SMYD3: variants seen among roughly 807,000 people sequenced by gnomAD.
SMYD3 encodes the protein SET and MYND domain containing 3, also known as histone-lysine N-methyltransferase SMYD3.
Under a neutral mutation model 57.7 loss-of-function variants are expected in SMYD3, and 36 were observed. The observed-to-expected ratio is 0.62, with a 90% CI of 0.48 to 0.82. SMYD3 has a LOEUF of 0.82. SMYD3 is among the 40% of genes least tolerant of loss of function. The pLI is 0.00. For synonymous variants in SMYD3, 211 were observed against 195.0 expected (o/e 1.08, Z -0.68); for missense variants, 515 against 538.8 (o/e 0.96, Z 0.44).
intron 5 of SMYD3, among the ~76,000 whole-genome samples, chr1:246,138,119 C>G (rs2061691223): frequency 6.6e-6 from 1 of 152,100 alleles, no homozygotes; most frequent in African/African-American, 2.4e-5. Context: ...ATGTCTTACT[C>G]ATTTTCCTCA....
intron 5 of SMYD3, among the ~76,000 whole-genome samples, chr1:246,055,725 C>T (rs552900543): frequency 1.3e-5 from 2 of 152,154 alleles, no homozygotes; most frequent in Non-Finnish European, 1.5e-5. Context: ...ACTTTGAAGA[C>T]ATTATGCTAA....
In SMYD3 at chr1:246,180,784, A is replaced by C. The variant is rs978814535; in HGVS notation, c.531+146417T>G. Among the ~76,000 whole-genome samples, 22 of 148,304 alleles carry C rather than the reference A, an allele frequency of 1.5e-4. No homozygotes were observed. In the East Asian group the frequency reaches 2.4e-3, roughly 16 times the overall value. On this transcript the variant is annotated intron_variant, in intron 5 of 11. Coordinates refer to ENST00000490107, the MANE Select transcript of SMYD3 (RefSeq NM_001167740.2). ...CAAAAAAAAAAAAAAAAAAAAAAAA[A>C]AAAAAAAAAAAAACAACTCAGGAGG...
At chr1:245,826,045 T>C (rs1479783322) in intron 10 of SMYD3, among the ~76,000 whole-genome samples, 1 of 141,932 alleles carries the variant, frequency 7.0e-6, no homozygotes, top group Non-Finnish European at 1.5e-5. Context: ...AAATATTTGT[T>C]AAATAAAAAT....
intron 10 of SMYD3, among the ~76,000 whole-genome samples, chr1:245,791,952 TTGTGTGTGTGTGTG>T (rs59018021): frequency 6.2e-5 from 9 of 146,138 alleles, no homozygotes; most frequent in Admixed American, 4.8e-4. Flanking sequence ...AATTTTAAAC[TTGTGTGTGTGTGTG>T]TGTGTGTGTG....
At position 246,326,624 on chromosome 1, in the gene SMYD3, C is replaced by T. The variant is rs1209227829; in HGVS notation, c.531+577G>A. 8 of 375,824 alleles carry T rather than the reference C, an allele frequency of 2.1e-5. No individual in the cohort carries two copies. In the South Asian group the frequency reaches 2.5e-4, roughly 12 times the overall value. The allele number at this position is 375,824 out of a possible 1,614,324, so 23.3% of individuals were successfully genotyped here. A position where few individuals can be genotyped will look rare whatever the true frequency, so the allele number is the denominator to read the frequency against. On this transcript the variant is annotated intron_variant, in intron 5 of 11. Coordinates refer to ENST00000490107, the MANE Select transcript of SMYD3 (RefSeq NM_001167740.2). ...AAAAAAAAAACAAAATTTAGCTGGG[C>T]GTGGTGGCTCATGCCTGTAATCCCA...
chr1:246,071,150 TG>T (rs1330205771), intron 5 of SMYD3, among the ~76,000 whole-genome samples: 2 of 152,192 alleles, frequency 1.3e-5, no homozygotes, highest in African/African-American at 2.4e-5. Flanking sequence ...ATATCTAAGA[TG>T]TGTAAGTAAG....
At chr1:246,023,706 C>G (rs944969857) in intron 5 of SMYD3, among the ~76,000 whole-genome samples, 14 of 151,996 alleles carry the variant, frequency 9.2e-5, no homozygotes, top group Admixed American at 2.0e-4. Flanking sequence ...CGTTCAGGGG[C>G]TACAGGGGCG....
chr1:246,057,532 C>A (rs896553211), intron 5 of SMYD3, among the ~76,000 whole-genome samples: 1 of 152,114 alleles, frequency 6.6e-6, no homozygotes, highest in Non-Finnish European at 1.5e-5. Flanking sequence ...CAGGGAAATG[C>A]AAATTAAAAT....
rs80341594 is a variant in SMYD3, at chr1:245,870,023, G to T, written c.814-6137C>A. 0.01 allele frequency among the ~76,000 whole-genome samples: 1,552 copies of T among 152,212 alleles called. 162 individuals carry two copies. The East Asian group carries it at 0.24, about 23-fold the overall frequency. ...TTGCCTCCCCAGGTATCCTCAGAAC[G>T]CCCTGAGGGACCGTGACCTCATCAT... On this transcript the variant is annotated intron_variant, in intron 8 of 11. Coordinates refer to ENST00000490107, the MANE Select transcript of SMYD3 (RefSeq NM_001167740.2).
chr1:246,071,771 T>A (rs148333603), intron 5 of SMYD3, among the ~76,000 whole-genome samples: 237 of 151,486 alleles, frequency 1.6e-3, no homozygotes, highest in African/African-American at 5.1e-3. Context: ...GTGCTCACTG[T>A]CGCTGCATCC....
At chr1:246,103,784 T>C (rs1042131279) in intron 5 of SMYD3, among the ~76,000 whole-genome samples, 1 of 152,216 alleles carries the variant, frequency 6.6e-6, no homozygotes, top group Non-Finnish European at 1.5e-5. Flanking sequence ...TCATTCTACC[T>C]TTCTAACCTC....
intron 11 of SMYD3, among the ~76,000 whole-genome samples, chr1:245,752,603 G>C (rs12130577): frequency 0.13 from 19,809 of 152,066 alleles, 1,828 homozygotes; most frequent in African/African-American, 0.26. Context: ...CTCCTCTTTT[G>C]CAGCTTTAAG....
intron 5 of SMYD3, among the ~76,000 whole-genome samples, chr1:246,090,855 C>T (rs1049640855): frequency 5.3e-5 from 8 of 152,086 alleles, no homozygotes; most frequent in Admixed American, 5.2e-4. Flanking sequence ...CGCTTCTAAA[C>T]TCCTCTTGTG....
At chr1:245,792,857 G>C (rs1191492103) in intron 10 of SMYD3, among the ~76,000 whole-genome samples, 1 of 152,134 alleles carries the variant, frequency 6.6e-6, no homozygotes, top group Non-Finnish European at 1.5e-5. Context: ...TGCTGGCTCA[G>C]CTCGGTCATC....
At position 246,442,558 on chromosome 1, in the gene SMYD3, T is replaced by A. The variant is rs934934997; in HGVS notation, c.164+64496A>T. On this transcript the variant is annotated intron_variant, in intron 1 of 11. Transcript: ENST00000490107. Reference sequence around the variant, plus strand: ...AGCGAAACCCCTTCTCAAAAAAAAATAAAATAATAAAAAAAGACTACTGAA... The same window carrying A: ...AGCGAAACCCCTTCTCAAAAAAAAAAAAAATAATAAAAAAAGACTACTGAA... Among the ~76,000 whole-genome samples the A allele has an allele frequency of 5.3e-5, 8 of 149,640 alleles. No homozygotes were observed. The East Asian group carries it at 1.6e-3, about 30-fold the overall frequency.
chr1:245,937,719 T>C (rs1269980998), intron 5 of SMYD3, among the ~76,000 whole-genome samples: 1 of 152,256 alleles, frequency 6.6e-6, no homozygotes, highest in Non-Finnish European at 1.5e-5. Context: ...TGAACTGAAC[T>C]TTCTCCCATG....
intron 5 of SMYD3, among the ~76,000 whole-genome samples, chr1:246,121,522 T>G (rs1307970578): frequency 6.6e-6 from 1 of 151,038 alleles, no homozygotes; most frequent in Non-Finnish European, 1.5e-5. Context: ...TTCATCTAAA[T>G]GTCTGTTAAA....
chr1:246,072,143 G>A (rs77008850), intron 5 of SMYD3, among the ~76,000 whole-genome samples: 3 of 135,174 alleles, frequency 2.2e-5, no homozygotes, highest in Non-Finnish European at 3.1e-5. Flanking sequence ...GGAGGGATTC[G>A]TGTGCTTTCC....
At chr1:246,077,374 G>A (rs1298735107) in intron 5 of SMYD3, among the ~76,000 whole-genome samples, 3 of 152,172 alleles carry the variant, frequency 2.0e-5, no homozygotes, top group Admixed American at 2.0e-4. Context: ...GACTGCAGTT[G>A]AGTAGGGAGC....
Sources: gnomAD v4.1 joint callset for allele counts (sites outside exome capture counted in the v4.1 genomes callset) on GRCh38, gnomAD v4.1.1 for gene constraint, MANE v1.5 for transcripts, NCBI Gene and HGNC (gene_info 2026-07-23, HGNC 2026-07-21) for gene names.